DOCK7: variants seen among roughly 807,000 people sequenced by gnomAD.
The protein encoded by DOCK7 is dedicator of cytokinesis protein 7.
In DOCK7, 138 loss-of-function variants were observed where a neutral mutation model predicts 271.0. The ratio of observed to expected loss-of-function variants is 0.51; its 90% CI spans 0.44 to 0.59. DOCK7 has a LOEUF of 0.59. DOCK7 is among the 20% of genes least tolerant of loss of function. The probability of loss-of-function intolerance (pLI) is 0.00; values close to 1 mark genes in which losing one functional copy is unlikely to be tolerated. For synonymous variants in DOCK7, 823 were observed against 876.1 expected, an observed-to-expected ratio of 0.94 and a Z score of 1.07; for missense variants, 2,066 against 2,592.4, an observed-to-expected ratio of 0.80 and a Z score of 4.41.
chr1:62,597,520 A>G, intron 14 of DOCK7: 1 of 1,605,460 alleles, frequency 6.2e-7, no homozygotes, highest in South Asian at 1.1e-5. Flanking sequence ...GTCTGCTTCC[A>G]GAAGAAAACA....
intron 46 of DOCK7, 158 bp from the exon 47 acceptor site, chr1:62,475,509 A>T (rs1266302725): frequency 1.0e-6 from 1 of 972,034 alleles, no homozygotes; most frequent in Non-Finnish European, 1.5e-6. Context: ...AAAAAAAAAA[A>T]TCAACCTTTT....
In DOCK7 at chr1:62,654,090, C is replaced by T. The variant is rs1387401528; in HGVS notation, c.214G>A (p.Asp72Asn). 1 of 1,614,004 alleles carries T rather than the reference C, an allele frequency of 6.2e-7. No individual in the cohort carries two copies. The stretch of plus-strand genomic sequence containing the variant: ...ATCAAATCCCGTAAAGGCCCAGAAT[C>T]CACAGCCAAAGGATGAGTAATGAGG... ...DYLITHPLAV[D>N]SGPLRDLIEF... Residue 72 changes from aspartate to asparagine, a missense_variant, in exon 3 of 50, where the codon GAT (aspartate) becomes AAT (asparagine). By Grantham distance (23) the Asp-to-Asn change is conservative (BLOSUM62 1). This residue lies in a region of DOCK7 where 1,414 missense variants were observed against 1,670.4 expected (regional missense o/e 0.85). Transcript: ENST00000635253.
chr1:62,540,913 T>C (rs915958820), intron 25 of DOCK7, among the ~76,000 whole-genome samples: 4 of 152,142 alleles, frequency 2.6e-5, no homozygotes, highest in African/African-American at 9.7e-5. Context: ...TAAGGTTTAT[T>C]TTCTAGGAAA....
At chr1:62,527,733 T>TG (rs1158444437) in intron 31 of DOCK7, among the ~76,000 whole-genome samples, 1 of 87,930 alleles carries the variant, frequency 1.1e-5, no homozygotes, top group African/African-American at 4.3e-5. Context: ...TGTTGTGGGG[T>TG]GGGGGGAGGG....
intron 22 of DOCK7, among the ~76,000 whole-genome samples, chr1:62,545,900 C>T (rs920227564): frequency 5.3e-5 from 8 of 152,094 alleles, no homozygotes; most frequent in African/African-American, 1.9e-4. Flanking sequence ...TTATAAAATT[C>T]AGATCCTGGG....
Position 62,538,036 on chromosome 1 carries a change from G to C in DOCK7, c.3326C>G (p.Pro1109Arg), listed in dbSNP as rs537709953. 3.1e-6 allele frequency: 5 copies of C among 1,613,604 alleles called. No homozygotes were observed. In the South Asian group the frequency reaches 5.5e-5, roughly 18 times the overall value. The stretch of plus-strand genomic sequence containing the variant: ...CAAGGACACCAGAACACTGGGATTC[G>C]GTAATGAGTAAAGCTTTGAAGACAC... ...KQVSSKLYSL[P>R]NPSVLVSLRL... is the part of the protein sequence containing the mutation. Residue 1109 changes from proline (P) to arginine (R), a missense_variant, in exon 28 of 50, where the codon CCG (proline) becomes CGG (arginine). This residue lies in a region of DOCK7 where 1,414 missense variants were observed against 1,670.4 expected (regional missense o/e 0.85). Coordinates refer to ENST00000635253, the MANE Select transcript of DOCK7 (RefSeq NM_001367561.1).
chr1:62,583,126 G>A, intron 16 of DOCK7, 58 bp downstream of exon 16: 1 of 1,374,608 alleles, frequency 7.3e-7, no homozygotes, highest in Non-Finnish European at 1.0e-6. Flanking sequence ...ACTAATGTGA[G>A]TGCTAACAAT....
In DOCK7 at chr1:62,535,615, C is replaced by A; in HGVS notation, c.3489G>T (p.Thr1163=). ...SATSQSSGFS[T]NVQDQKIANM... is the part of the protein sequence containing the mutation. ...TTGCAATCTTTTGGTCTTGTACATT[C>A]GTAGAAAATCCAGAACTCTGTTGGA... Residue 1163 remains threonine (T), a synonymous_variant, in exon 29 of 50, where the codon ACG becomes ACT. Transcript: ENST00000635253. The A allele has an allele frequency of 6.2e-7, 1 of 1,613,466 alleles. No homozygotes were observed. Among genetic ancestry groups the A allele is most frequent in the South Asian group, 1.1e-5 (1 of 90,932 alleles).
At chr1:62,683,735 G>A (rs1173278333) in intron 1 of DOCK7, among the ~76,000 whole-genome samples, 1 of 152,080 alleles carries the variant, frequency 6.6e-6, no homozygotes, top group Admixed American at 6.5e-5. Flanking sequence ...CGGAGTTCGA[G>A]ACCAGCCTGG....
chr1:62,661,342 G>A lies in DOCK7; in HGVS notation c.144+1683C>T, dbSNP rs140150444. ...TATGGGATAATGAAAAAGTTCTGGA[G>A]ATAAATAGTGGTGATGGTTGTACAA... On this transcript the variant is annotated intron_variant, in intron 2 of 49. Coordinates refer to ENST00000635253, the MANE Select transcript of DOCK7 (RefSeq NM_001367561.1). Among the ~76,000 whole-genome samples the A allele has an allele frequency of 6.8e-4, 103 of 152,136 alleles. 2 individuals are homozygous for A. The highest frequency in any genetic ancestry group is 3.4e-3 in the Middle Eastern group (1 of 294).
intron 14 of DOCK7, among the ~76,000 whole-genome samples, chr1:62,591,417 T>C (rs1175300434): frequency 6.6e-6 from 1 of 151,878 alleles, no homozygotes; most frequent in East Asian, 1.9e-4. Context: ...AATACCTGAG[T>C]GATGAAATAA....
chr1:62,677,832 A>G (rs1660699453), intron 1 of DOCK7, among the ~76,000 whole-genome samples: 1 of 152,254 alleles, frequency 6.6e-6, no homozygotes, highest in Admixed American at 6.5e-5. Flanking sequence ...CTTTGAGATC[A>G]TAAATAAAAC....
Position 62,586,639 on chromosome 1 carries a change from G to A in DOCK7, c.1683-15C>T. 6.8e-7 allele frequency: 1 copy of A among 1,479,536 alleles called. No homozygotes were observed. Among genetic ancestry groups the A allele is most frequent in the Non-Finnish European group, 9.4e-7 (1 of 1,066,218 alleles). The allele number at this position is 1,479,536 out of a possible 1,614,324, so 91.7% of individuals were successfully genotyped here. A position where few individuals can be genotyped will look rare whatever the true frequency, so the allele number is the denominator to read the frequency against. On this transcript the variant is annotated splice_polypyrimidine_tract_variant and intron_variant, in intron 14 of 49. Coordinates refer to ENST00000635253, the MANE Select transcript of DOCK7 (RefSeq NM_001367561.1). ...AGAGAAGATTTCTGTGAAAGCAACA[G>A]TATAGATGATAGTAAATACATATCT...
intron 17 of DOCK7, among the ~76,000 whole-genome samples, chr1:62,578,337 T>C (rs1647000278): frequency 6.6e-6 from 1 of 152,164 alleles, no homozygotes; most frequent in Non-Finnish European, 1.5e-5. Flanking sequence ...CATTAGTTAA[T>C]TACATTAATG....
intron 14 of DOCK7, 52 bp downstream of exon 14, chr1:62,618,654 T>C (rs1201858897): frequency 1.4e-6 from 2 of 1,461,184 alleles, no homozygotes; most frequent in Admixed American, 1.8e-5. Flanking sequence ...ACTTTAATAT[T>C]TTAGAATATA....
chr1:62,562,459 C>T (rs1056395930), intron 18 of DOCK7, among the ~76,000 whole-genome samples: 3 of 152,062 alleles, frequency 2.0e-5, no homozygotes, highest in Non-Finnish European at 2.9e-5. Flanking sequence ...AGGTGATCTG[C>T]TTGCCTTGGC....
intron 15 of DOCK7, among the ~76,000 whole-genome samples, chr1:62,585,435 A>T (rs1442996442): frequency 6.6e-6 from 1 of 152,130 alleles, no homozygotes; most frequent in Non-Finnish European, 1.5e-5. Flanking sequence ...GCAATAGCAT[A>T]TTTCTATTCC....
intron 14 of DOCK7, among the ~76,000 whole-genome samples, chr1:62,599,705 C>G (rs1490584839): frequency 6.6e-6 from 1 of 151,910 alleles, no homozygotes; most frequent in East Asian, 1.9e-4. Flanking sequence ...ATGTCATATT[C>G]ACACAGAAGC....
At chr1:62,592,502 CGCA>C (rs1183271945) in intron 14 of DOCK7, among the ~76,000 whole-genome samples, 1 of 151,768 alleles carries the variant, frequency 6.6e-6, no homozygotes, top group Non-Finnish European at 1.5e-5. Flanking sequence ...ATACCATAAA[CGCA>C]GGAGGAAGAA....
Sources: gnomAD v4.1 joint callset for allele counts (sites outside exome capture counted in the v4.1 genomes callset) on GRCh38, gnomAD v4.1.1 for gene constraint, gnomAD v4.1.1 regional missense constraint, MANE v1.5 for transcripts, NCBI Gene and HGNC (gene_info 2026-07-23, HGNC 2026-07-21) for gene names.